Variants in N4BP2L1 observed in about 807,000 individuals in gnomAD.
N4BP2L1 encodes the protein NEDD4-binding protein 2-like 1.
In N4BP2L1, 12 loss-of-function variants were observed where a neutral mutation model predicts 21.2. The ratio of observed to expected loss-of-function variants is 0.57; its 90% CI spans 0.36 to 0.92. N4BP2L1 has a LOEUF of 0.92. Among genes scored for constraint, N4BP2L1 ranks in the 40% least tolerant of loss-of-function variants. The pLI, the probability that N4BP2L1 is intolerant of heterozygous loss-of-function variation, is 0.01. For synonymous variants in N4BP2L1, 104 were observed against 112.8 expected (o/e 0.92, Z 0.49); for missense variants, 259 against 310.6 (o/e 0.83, Z 1.25).
rs1163365912 is a variant in N4BP2L1 at position 32,428,008 on chromosome 13, C to T, written c.75G>A (p.Pro25=). Residue 25 remains proline (P), a synonymous_variant, in exon 1 of 5, where the codon CCG becomes CCA. Transcript: ENST00000380130. ...GTGTCCCCCGCGGGGGCGGCCGGGG[C>T]GGCCGCTGCCGCTGCTGCTGCTGCT... ...QPQQQQQRQR[P]PRPPPRGTPP... 7 of 1,558,464 alleles carry T rather than the reference C, an allele frequency of 4.5e-6. No homozygotes were observed. Among genetic ancestry groups the T allele is most frequent in the South Asian group, 2.3e-5 (2 of 86,422 alleles).
upstream of N4BP2L1, among the ~76,000 whole-genome samples, chr13:32,428,926 G>A (rs536132022): frequency 2.4e-3 from 372 of 152,330 alleles, 2 homozygotes; most frequent in African/African-American, 8.1e-3. Flanking sequence ...CCCATTGGTT[G>A]ATCACCACAG....
intron 4 of N4BP2L1, 55 bp from the exon 5 acceptor site, chr13:32,403,255 AT>A: frequency 6.6e-7 from 1 of 1,521,062 alleles, no homozygotes; most frequent in Non-Finnish European, 8.8e-7. Flanking sequence ...TGAGTTACTT[AT>A]ATTTTACAAG....
intron 1 of N4BP2L1, among the ~76,000 whole-genome samples, chr13:32,419,108 CA>C (rs1404806361): frequency 6.6e-6 from 1 of 152,040 alleles, no homozygotes; most frequent in Non-Finnish European, 1.5e-5. Context: ...AGTCCCCACC[CA>C]AATCTCATCT....
intron 4 of N4BP2L1, 197 bp downstream of exon 4, chr13:32,404,124 T>C: frequency 6.3e-7 from 1 of 1,585,714 alleles, no homozygotes. Flanking sequence ...ATTTAGCATT[T>C]AGCATTATAT....
chr13:32,421,846 G>T (rs1264797743), intron 1 of N4BP2L1, among the ~76,000 whole-genome samples: 4 of 152,126 alleles, frequency 2.6e-5, no homozygotes, highest in Non-Finnish European at 5.9e-5. Context: ...CAGATAACTT[G>T]GCGTGACTAA....
chr13:32,403,510 A>T (rs1264536864), intron 4 of N4BP2L1: 3 of 428,622 alleles, frequency 7.0e-6, no homozygotes, highest in African/African-American at 2.0e-5. Flanking sequence ...AAAAAATCAT[A>T]CATTTGCCTG....
chr13:32,403,721 G>T (rs1252359137), intron 4 of N4BP2L1: 1 of 536,050 alleles, frequency 1.9e-6, no homozygotes, highest in South Asian at 1.4e-5. Context: ...AGGCAATTCT[G>T]ATGGAGTAGT....
At position 32,428,003 on chromosome 13, in the gene N4BP2L1, C is replaced by A; in HGVS notation, c.80G>T (p.Arg27Leu). The change falls in exon 1 of 5, where the codon CGG (arginine) becomes CTG (leucine). Residue 27 changes from arginine to leucine, a missense_variant. By Grantham distance (102) the Arg-to-Leu change is moderately radical. Transcript: ENST00000380130. ...AGGAGGTGTCCCCCGCGGGGGCGGCCGGGGCGGCCGCTGCCGCTGCTGCTG... is the reference window on the plus strand; with the variant it reads ...AGGAGGTGTCCCCCGCGGGGGCGGCAGGGGCGGCCGCTGCCGCTGCTGCTG... The part of the protein sequence containing the change: ...QQQQQRQRPP[R>L]PPPRGTPPRR... 6.4e-7 allele frequency: 1 copy of A among 1,561,454 alleles called. No homozygotes were observed. The highest frequency in any genetic ancestry group is 8.6e-7 in the Non-Finnish European group (1 of 1,156,752).
In N4BP2L1 at chr13:32,428,110, CG is replaced by C; in HGVS notation, c.-29del. ...GCAGGAGGGCTGGCTGCGAGAGCCC[CG>C]GGTTCCCTTTACTGAAGTCACGGTC... On this transcript the variant is annotated 5_prime_UTR_variant, in exon 1 of 5. Transcript: ENST00000380130. 3 of 1,427,036 alleles carry C rather than the reference CG, an allele frequency of 2.1e-6. No individual in the cohort carries two copies. The highest frequency in any genetic ancestry group is 2.8e-6 in the Non-Finnish European group (3 of 1,085,964). 88.4% of individuals were successfully genotyped at this position (1,427,036 alleles called of 1,614,324 possible).
chr13:32,404,352 G>A lies in N4BP2L1; in HGVS notation c.442C>T (p.Arg148Cys), dbSNP rs80025343. 2.1e-5 allele frequency: 34 copies of A among 1,613,672 alleles called. No individual in the cohort carries two copies. The highest frequency in any genetic ancestry group is 2.5e-5 in the Non-Finnish European group (30 of 1,179,870). ...AACTCTTGAACGTTGAATTTCCAGC[G>A]AGTGTCAGGTTCTCGGAATATAACT... is the stretch of plus-strand genomic sequence containing the variant. Reference protein sequence around the residue: ...YEVIFREPDTRWKFNVQELAR... With the variant: ...YEVIFREPDTCWKFNVQELAR... Residue 148 changes from arginine to cysteine, a missense_variant, in exon 4 of 5, where the codon CGC becomes TGC. Transcript: ENST00000380130.
At position 32,407,464 on chromosome 13, in the gene N4BP2L1, C is replaced by T. The variant is rs1320947019; in HGVS notation, c.308-126G>A. 2.5e-6 allele frequency: 4 copies of T among 1,581,644 alleles called. No homozygotes were observed. The East Asian group carries it at 6.9e-5, about 27-fold the overall frequency. The stretch of plus-strand genomic sequence containing the variant: ...CCTCATCACACAACTTCAGAGCCCA[C>T]TATCAATCAATAATTTTCTTTCTCT... On this transcript the variant is annotated intron_variant, in intron 2 of 4. Coordinates refer to ENST00000380130, the MANE Select transcript of N4BP2L1 (RefSeq NM_052818.3).
intron 1 of N4BP2L1, among the ~76,000 whole-genome samples, chr13:32,415,016 C>T (rs568382922): frequency 6.6e-6 from 1 of 152,338 alleles, no homozygotes; most frequent in Admixed American, 6.5e-5. Flanking sequence ...AGTGGGTTCA[C>T]ATGCATTGAA....
upstream of N4BP2L1, among the ~76,000 whole-genome samples, chr13:32,429,122 G>A (rs1025151263): frequency 3.9e-5 from 6 of 152,210 alleles, no homozygotes; most frequent in Non-Finnish European, 7.3e-5. Flanking sequence ...TGGCAGCTAA[G>A]GTACTAAAAT....
chr13:32,407,220 C>T (rs2073568867), intron 3 of N4BP2L1, 30 bp downstream of exon 3: 3 of 1,602,464 alleles, frequency 1.9e-6, no homozygotes, highest in African/African-American at 2.7e-5. Context: ...ATGTCCATAA[C>T]TGAAAATTCA....
chr13:32,427,160 G>T (rs206337), intron 1 of N4BP2L1, among the ~76,000 whole-genome samples: 1 of 152,146 alleles, frequency 6.6e-6, no homozygotes, highest in Admixed American at 6.5e-5. Context: ...TACGCAATTC[G>T]CAAGTGAACG....
intron 3 of N4BP2L1, among the ~76,000 whole-genome samples, chr13:32,404,738 G>A (rs1199151098): frequency 6.6e-6 from 1 of 151,600 alleles, no homozygotes; most frequent in Non-Finnish European, 1.5e-5. Context: ...TCACTTATGG[G>A]ATTTTTGTAG....
At chr13:32,422,916 A>G (rs2074562539) in intron 1 of N4BP2L1, among the ~76,000 whole-genome samples, 1 of 152,192 alleles carries the variant, frequency 6.6e-6, no homozygotes. Context: ...CTCCACTTTT[A>G]TATTCACAGA....
chr13:32,423,625 G>A (rs1431606600), intron 1 of N4BP2L1, among the ~76,000 whole-genome samples: 1 of 152,196 alleles, frequency 6.6e-6, no homozygotes, highest in Non-Finnish European at 1.5e-5. Context: ...TCTGACACAT[G>A]CTACAACATG....
intron 1 of N4BP2L1, among the ~76,000 whole-genome samples, chr13:32,422,848 T>A (rs1264669587): frequency 6.6e-6 from 1 of 151,068 alleles, no homozygotes; most frequent in Non-Finnish European, 1.5e-5. Context: ...AAAAAGCTAG[T>A]AGTCATTTTC....
Sources: gnomAD v4.1 joint callset for allele counts (sites outside exome capture counted in the v4.1 genomes callset) on GRCh38, gnomAD v4.1.1 for gene constraint, MANE v1.5 for transcripts, NCBI Gene and HGNC (gene_info 2026-07-23, HGNC 2026-07-21) for gene names.